ZCCHC7: variants seen among roughly 807,000 people sequenced by gnomAD.
ZCCHC7 encodes zinc finger CCHC domain-containing protein 7.
Under a neutral mutation model 52.0 loss-of-function variants are expected in ZCCHC7, and 35 were observed. The observed-to-expected ratio is 0.67, with a 90% CI of 0.51 to 0.89. The LOEUF (loss-of-function observed/expected upper bound fraction) is 0.89. Ranked by LOEUF, ZCCHC7 falls within the 40% of genes least tolerant of loss-of-function variation. The pLI is 0.00. For synonymous variants in ZCCHC7, 217 were observed against 221.5 expected, an observed-to-expected ratio of 0.98 and a Z score of 0.18; for missense variants, 574 against 649.1, an observed-to-expected ratio of 0.88 and a Z score of 1.26.
intron 1 of ZCCHC7, 132 bp from the exon 2 acceptor site, chr9:37,126,176 AAAAG>A (rs1280178161): frequency 1.1e-6 from 1 of 909,792 alleles, no homozygotes; most frequent in Non-Finnish European, 1.6e-6. Context: ...TCCTTGGAAA[AAAAG>A]GTATTTTAAT....
At chr9:37,265,693 C>G (rs1368884920) in intron 2 of ZCCHC7, among the ~76,000 whole-genome samples, 1 of 152,186 alleles carries the variant, frequency 6.6e-6, no homozygotes, top group Non-Finnish European at 1.5e-5. Context: ...TGCTGTTGGA[C>G]TGATCTTCCT....
chr9:37,314,738 C>G (rs1829736336), intron 5 of ZCCHC7, among the ~76,000 whole-genome samples: 2 of 137,972 alleles, frequency 1.4e-5, no homozygotes, highest in African/African-American at 5.7e-5. Context: ...ATAGCAAGAC[C>G]CGATCTCTTT....
intron 2 of ZCCHC7, among the ~76,000 whole-genome samples, chr9:37,202,344 G>T (rs569493756): frequency 1.3e-5 from 2 of 152,290 alleles, no homozygotes; most frequent in South Asian, 4.1e-4. Flanking sequence ...AATGATTATT[G>T]TATTTAGATA....
chr9:37,288,914 A>G (rs1016613151), intron 2 of ZCCHC7, among the ~76,000 whole-genome samples: 2 of 152,086 alleles, frequency 1.3e-5, no homozygotes, highest in African/African-American at 4.8e-5. Context: ...ATAATTGACA[A>G]ATTTTATTTC....
At chr9:37,319,575 G>A (rs935982397) in intron 5 of ZCCHC7, among the ~76,000 whole-genome samples, 1 of 151,978 alleles carries the variant, frequency 6.6e-6, no homozygotes, top group Non-Finnish European at 1.5e-5. Flanking sequence ...CGACAGGCAC[G>A]TGGCACCATG....
At chr9:37,187,375 T>G (rs1281580621) in intron 2 of ZCCHC7, among the ~76,000 whole-genome samples, 1 of 152,202 alleles carries the variant, frequency 6.6e-6, no homozygotes, top group African/African-American at 2.4e-5. Flanking sequence ...CATGTGCAGT[T>G]CACAATAGGG....
At chr9:37,238,765 G>A (rs900948242) in intron 2 of ZCCHC7, among the ~76,000 whole-genome samples, 1 of 151,986 alleles carries the variant, frequency 6.6e-6, no homozygotes, top group African/African-American at 2.4e-5. Flanking sequence ...CGCAGACTTG[G>A]CATGTCGAAT....
At chr9:37,326,947 A>C (rs1405212271) in intron 5 of ZCCHC7, 1 of 152,096 alleles carries the variant, frequency 6.6e-6, no homozygotes, top group Non-Finnish European at 1.5e-5. Context: ...CAAACAACAC[A>C]CTTTTTGCTC....
At chr9:37,335,679 A>G (rs1830618162) in intron 6 of ZCCHC7, among the ~76,000 whole-genome samples, 1 of 152,158 alleles carries the variant, frequency 6.6e-6, no homozygotes, top group African/African-American at 2.4e-5. Context: ...GGAGATTCCT[A>G]AGGACCTCTT....
intron 2 of ZCCHC7, among the ~76,000 whole-genome samples, chr9:37,139,478 G>A (rs7027484): frequency 0.56 from 85,638 of 151,804 alleles, 24,810 homozygotes; most frequent in African/African-American, 0.7. Context: ...TTTCTGTTGT[G>A]TAGATTTGGA....
At chr9:37,261,563 C>T (rs185377499) in intron 2 of ZCCHC7, among the ~76,000 whole-genome samples, 4 of 152,200 alleles carry the variant, frequency 2.6e-5, no homozygotes, top group Admixed American at 2.0e-4. Context: ...CTTGTGTTCT[C>T]AGGGTGGCCT....
At chr9:37,317,868 C>T (rs761371914) in intron 5 of ZCCHC7, among the ~76,000 whole-genome samples, 1 of 138,876 alleles carries the variant, frequency 7.2e-6, no homozygotes, top group African/African-American at 2.6e-5. Flanking sequence ...GCCTGTTTAT[C>T]CAAAGAGACC....
intron 2 of ZCCHC7, among the ~76,000 whole-genome samples, chr9:37,300,332 T>C (rs1308720840): frequency 6.6e-6 from 1 of 152,230 alleles, no homozygotes; most frequent in African/African-American, 2.4e-5. Context: ...ATGAAAGACA[T>C]TGAGATACAA....
chr9:37,321,220 C>T (rs1453498561), intron 5 of ZCCHC7, among the ~76,000 whole-genome samples: 1 of 151,802 alleles, frequency 6.6e-6, no homozygotes, highest in Non-Finnish European at 1.5e-5. Flanking sequence ...GATCTCCTGA[C>T]CTCGTGATCC....
In ZCCHC7 at chr9:37,304,267, A is replaced by G; in HGVS notation, c.734A>G (p.Asn245Ser). The G allele has an allele frequency of 1.9e-6, 3 of 1,614,054 alleles. No homozygotes were observed. The highest frequency in any genetic ancestry group is 2.5e-6 in the Non-Finnish European group (3 of 1,179,952). Residue 245 changes from asparagine to serine, a missense_variant, in exon 4 of 9, where the codon AAT (asparagine) becomes AGT (serine). Asn to Ser is a conservative substitution (Grantham distance 46). Transcript: ENST00000336755. ...GCCAACAAAAACATTATCTGTAGAA[A>G]TTGTGACAAACGTGGTCATTTATCA... ...YSANKNIICR[N>S]CDKRGHLSKN...
intron 2 of ZCCHC7, among the ~76,000 whole-genome samples, chr9:37,142,383 T>C (rs1379089406): frequency 6.6e-6 from 1 of 151,796 alleles, no homozygotes; most frequent in Non-Finnish European, 1.5e-5. Flanking sequence ...GGGCAAGCCT[T>C]CTTTCTGTGT....
At chr9:37,317,744 ATG>A (rs1173615047) in intron 5 of ZCCHC7, among the ~76,000 whole-genome samples, 2 of 152,146 alleles carry the variant, frequency 1.3e-5, no homozygotes, top group Non-Finnish European at 2.9e-5. Context: ...AGCATAAAGA[ATG>A]AGAAAAATCA....
intron 2 of ZCCHC7, among the ~76,000 whole-genome samples, chr9:37,149,127 C>G (rs1843570141): frequency 6.6e-6 from 1 of 152,036 alleles, no homozygotes; most frequent in Admixed American, 6.6e-5. Flanking sequence ...TCTGTGGTCC[C>G]AATGTTAATT....
intron 2 of ZCCHC7, among the ~76,000 whole-genome samples, chr9:37,272,003 G>A (rs1827440047): frequency 6.6e-6 from 1 of 152,200 alleles, no homozygotes; most frequent in Non-Finnish European, 1.5e-5. Context: ...ATTAAGAATT[G>A]TTAAAGCTGG....
Sources: allele counts gnomAD v4.1 joint callset (sites outside exome capture counted in the v4.1 genomes callset), GRCh38; gene constraint gnomAD v4.1.1; transcripts MANE v1.5; gene names NCBI Gene and HGNC (gene_info 2026-07-23, HGNC 2026-07-21).